LRRC7: variants seen among roughly 807,000 people sequenced by gnomAD.
The protein encoded by LRRC7 is leucine-rich repeat-containing protein 7.
A neutral mutation model predicts 175.7 loss-of-function variants in LRRC7; 23 were observed. The ratio of observed to expected loss-of-function variants is 0.13; its 90% CI spans 0.09 to 0.19. LRRC7 has a LOEUF of 0.19. LRRC7 is among the 10% of genes least tolerant of loss of function. LRRC7 has a pLI of 1.00. For synonymous variants in LRRC7, 685 were observed against 680.9 expected, an observed-to-expected ratio of 1.01 and a Z score of -0.09; for missense variants, 1,354 against 1,904.7, an observed-to-expected ratio of 0.71 and a Z score of 5.38.
At chr1:70,043,909 G>A (rs371309195) in intron 21 of LRRC7, 45 bp from the exon 22 acceptor site, 19 of 1,547,682 alleles carry the variant, frequency 1.2e-5, no homozygotes, top group African/African-American at 2.7e-5. Context: ...TCAGTTTGTT[G>A]AGCATGTGTT....
intron 24 of LRRC7, among the ~76,000 whole-genome samples, chr1:70,084,600 G>A (rs537140969): frequency 2.0e-5 from 3 of 152,276 alleles, no homozygotes; most frequent in South Asian, 2.1e-4. Flanking sequence ...ATTAAGAATA[G>A]CACTGCTGTG....
intron 3 of LRRC7, among the ~76,000 whole-genome samples, chr1:69,783,673 A>G (rs1445760157): frequency 6.8e-6 from 1 of 148,026 alleles, no homozygotes; most frequent in Non-Finnish European, 1.5e-5. Flanking sequence ...AATTGCTTGA[A>G]TCTGGGAGGA....
At chr1:69,909,432 T>C (rs1276016789) in intron 7 of LRRC7, among the ~76,000 whole-genome samples, 5 of 152,212 alleles carry the variant, frequency 3.3e-5, no homozygotes, top group Admixed American at 6.5e-5. Context: ...CCATGTTTAG[T>C]GCTTCCTTCA....
intron 2 of LRRC7, among the ~76,000 whole-genome samples, chr1:69,689,797 C>T (rs951321970): frequency 5.9e-5 from 9 of 152,120 alleles, no homozygotes; most frequent in Non-Finnish European, 8.8e-5. Flanking sequence ...ATTAATACCT[C>T]GGGTTCCAGT....
chr1:69,939,031 CTATATA>C lies in LRRC7; in HGVS notation c.711+7465_711+7470del, dbSNP rs1245921796. ...TATATATATCTATATATATATATAT[CTATATA>C]TATCTATATCTATCTCACAGACATT... On this transcript the variant is annotated intron_variant, in intron 8 of 26. Coordinates refer to ENST00000651989, the MANE Select transcript of LRRC7 (RefSeq NM_001370785.2). Among the ~76,000 whole-genome samples, 6 of 58,256 alleles carry C rather than the reference CTATATA, an allele frequency of 1.0e-4. 1 individual carries two copies. Among genetic ancestry groups the C allele is most frequent in the African/African-American group, 2.6e-4 (5 of 19,290 alleles). The allele number at this position is 58,256 out of a possible 152,430, so 38.2% of individuals were successfully genotyped here.
intron 7 of LRRC7, among the ~76,000 whole-genome samples, chr1:69,873,065 T>G (rs1473035277): frequency 6.6e-6 from 1 of 152,164 alleles, no homozygotes; most frequent in South Asian, 2.1e-4. Context: ...TTAAACAGTA[T>G]GCGTTAATCA....
intron 2 of LRRC7, among the ~76,000 whole-genome samples, chr1:69,742,059 T>C (rs1668770078): frequency 6.6e-6 from 1 of 151,962 alleles, no homozygotes; most frequent in Non-Finnish European, 1.5e-5. Context: ...AAAACATATG[T>C]GTAGGTGTGT....
At chr1:69,991,964 AAG>A (rs1222136263) in intron 10 of LRRC7, among the ~76,000 whole-genome samples, 148 of 152,254 alleles carry the variant, frequency 9.7e-4, no homozygotes, top group Non-Finnish European at 2.9e-4. Flanking sequence ...ATAAAAGAAA[AAG>A]AAATATTTTT....
rs887305680 is a variant in LRRC7 at position 70,125,521 on chromosome 1, G to A, written c.*3634G>A. 3.9e-5 allele frequency among the ~76,000 whole-genome samples: 6 copies of A among 152,114 alleles called. No homozygotes were observed. Among genetic ancestry groups the A allele is most frequent in the Admixed American group, 2.0e-4 (3 of 15,268 alleles). ...GAGCTAAAGAGAGAGGGCCGGGCGC[G>A]GTGGCTCACGCCTGTAATCCCAGCA... On this transcript the variant is annotated 3_prime_UTR_variant, in exon 27 of 27. Coordinates refer to ENST00000651989, the MANE Select transcript of LRRC7 (RefSeq NM_001370785.2).
intron 7 of LRRC7, chr1:69,920,033 G>C (rs1646839174): frequency 2.4e-6 from 1 of 425,320 alleles, no homozygotes; most frequent in Admixed American, 3.9e-5. Context: ...CCCAGTTGGG[G>C]CTGCGACCTC....
intron 7 of LRRC7, among the ~76,000 whole-genome samples, chr1:69,853,344 T>A (rs1392908353): frequency 1.4e-5 from 2 of 142,152 alleles, no homozygotes; most frequent in Non-Finnish European, 3.0e-5. Flanking sequence ...AATGGTGTGG[T>A]CTCAGCTTAC....
chr1:69,900,742 A>G (rs1646112348), intron 7 of LRRC7, among the ~76,000 whole-genome samples: 1 of 152,186 alleles, frequency 6.6e-6, no homozygotes, highest in South Asian at 2.1e-4. Flanking sequence ...TTCAGATTTT[A>G]AAGCATTGTA....
At chr1:69,945,822 T>G (rs1570757847) in intron 8 of LRRC7, among the ~76,000 whole-genome samples, 2 of 152,270 alleles carry the variant, frequency 1.3e-5, no homozygotes, top group East Asian at 3.9e-4. Flanking sequence ...TCTATTAATT[T>G]TATGTTGATT....
chr1:69,597,784 G>A (rs959222941), intron 1 of LRRC7, among the ~76,000 whole-genome samples: 2 of 152,162 alleles, frequency 1.3e-5, no homozygotes, highest in Non-Finnish European at 2.9e-5. Flanking sequence ...CCATTTACGT[G>A]TAACTTCAAA....
At chr1:69,919,894 G>A in intron 7 of LRRC7, 1 of 663,646 alleles carries the variant, frequency 1.5e-6, no homozygotes, top group Non-Finnish European at 2.8e-6. Flanking sequence ...GCTGGCCAGT[G>A]GCCGAACCCC....
At chr1:69,603,904 T>C (rs1012146072) in intron 1 of LRRC7, among the ~76,000 whole-genome samples, 5 of 152,262 alleles carry the variant, frequency 3.3e-5, no homozygotes, top group Non-Finnish European at 5.9e-5. Flanking sequence ...TTATTCTTCG[T>C]AGTTTGATAC....
intron 23 of LRRC7, among the ~76,000 whole-genome samples, chr1:70,060,072 C>T (rs1661457783): frequency 1.3e-5 from 2 of 152,064 alleles, no homozygotes; most frequent in African/African-American, 4.8e-5. Flanking sequence ...GCACTTAGCA[C>T]TTTGGGAGGC....
At chr1:70,102,510 G>T (rs1488572530) in intron 25 of LRRC7, among the ~76,000 whole-genome samples, 1 of 152,162 alleles carries the variant, frequency 6.6e-6, no homozygotes, top group African/African-American at 2.4e-5. Context: ...ACCTTGAGTT[G>T]TAGATTGAGT....
intron 8 of LRRC7, among the ~76,000 whole-genome samples, chr1:69,978,069 A>C (rs1357584282): frequency 6.6e-6 from 1 of 152,196 alleles, no homozygotes; most frequent in African/African-American, 2.4e-5. Flanking sequence ...AGGCTGAGGC[A>C]GGTGGATCAC....
Sources: gnomAD v4.1 joint callset for allele counts (sites outside exome capture counted in the v4.1 genomes callset) on GRCh38, gnomAD v4.1.1 for gene constraint, MANE v1.5 for transcripts, NCBI Gene and HGNC (gene_info 2026-07-23, HGNC 2026-07-21) for gene names.